Variants in CAMKMT observed in about 807,000 individuals in gnomAD.
CAMKMT encodes CaM KMT.
Under a neutral mutation model 48.0 loss-of-function variants are expected in CAMKMT, and 53 were observed. The observed-to-expected ratio is 1.10, with a 90% confidence interval of 0.89 to 1.39. The LOEUF is 1.39. Among genes scored for constraint, CAMKMT ranks in the 40% most tolerant of loss-of-function variants. The pLI is 0.00. For synonymous variants in CAMKMT, 165 were observed against 152.3 expected, an observed-to-expected ratio of 1.08 and a Z score of -0.61; for missense variants, 428 against 402.7, an observed-to-expected ratio of 1.06 and a Z score of -0.54.
At chr2:44,671,208 T>C (rs1406224304) in intron 3 of CAMKMT, among the ~76,000 whole-genome samples, 1 of 152,134 alleles carries the variant, frequency 6.6e-6, no homozygotes, top group African/African-American at 2.4e-5. Flanking sequence ...GTACCTAGTC[T>C]CCTTCCCCAA....
At chr2:44,435,385 G>C (rs1003651880) in intron 3 of CAMKMT, among the ~76,000 whole-genome samples, 1 of 152,116 alleles carries the variant, frequency 6.6e-6, no homozygotes, top group African/African-American at 2.4e-5. Flanking sequence ...AGATTTAGGA[G>C]AATTGTTGAA....
At chr2:44,761,135 G>A (rs149404507) in intron 9 of CAMKMT, among the ~76,000 whole-genome samples, 2 of 152,296 alleles carry the variant, frequency 1.3e-5, no homozygotes, top group East Asian at 3.9e-4. Flanking sequence ...GGCACAGTAG[G>A]GAGGCCAGAG....
chr2:44,383,042 G>C (rs1680412937), intron 2 of CAMKMT, among the ~76,000 whole-genome samples: 1 of 151,970 alleles, frequency 6.6e-6, no homozygotes, highest in Admixed American at 6.6e-5. Flanking sequence ...CTTCCCTTTG[G>C]CTTGCAGATG....
Position 44,764,131 on chromosome 2 carries a change from C to T in CAMKMT, c.763-2299C>T, listed in dbSNP as rs868022795. Among the ~76,000 whole-genome samples the T allele has an allele frequency of 3.9e-5, 6 of 151,906 alleles. No homozygotes were observed. The South Asian group carries it at 1.0e-3, about 26-fold the overall frequency. The stretch of plus-strand genomic sequence containing the variant: ...TTTTTGCTGCTAAGTTTGAAAACTG[C>T]CTGAAAATAGCAATTAATATTGAAA... On this transcript the variant is annotated intron_variant, in intron 9 of 10. Transcript: ENST00000378494.
At chr2:44,645,736 G>A (rs1004773693) in intron 3 of CAMKMT, among the ~76,000 whole-genome samples, 5 of 152,096 alleles carry the variant, frequency 3.3e-5, no homozygotes, top group Non-Finnish European at 4.4e-5. Context: ...CAGGAGAATC[G>A]CTTAAACCTG....
At chr2:44,686,496 A>T (rs951468826) in intron 3 of CAMKMT, among the ~76,000 whole-genome samples, 1 of 152,222 alleles carries the variant, frequency 6.6e-6, no homozygotes, top group Non-Finnish European at 1.5e-5. Flanking sequence ...CGAGAAGTAT[A>T]AGATGTTAAC....
intron 3 of CAMKMT, among the ~76,000 whole-genome samples, chr2:44,575,378 C>T (rs1362069320): frequency 1.3e-5 from 2 of 152,248 alleles, no homozygotes; most frequent in Admixed American, 6.5e-5. Context: ...CACGCCCAGC[C>T]CTTCTCCATT....
At chr2:44,750,523 T>A (rs74606184) in intron 8 of CAMKMT, among the ~76,000 whole-genome samples, 4,273 of 152,272 alleles carry the variant, frequency 0.028, 173 homozygotes, top group African/African-American at 0.097. Context: ...GTCCTTTTAT[T>A]TATTTATTGC....
chr2:44,532,802 C>T (rs2341456), intron 3 of CAMKMT, among the ~76,000 whole-genome samples: 101,145 of 151,350 alleles, frequency 0.67, 34,612 homozygotes, highest in South Asian at 0.76. Context: ...ATGAAGGTAA[C>T]TGTATGCCAT....
rs530665677 is a variant in CAMKMT at position 44,637,012 on chromosome 2, A to G, written c.377-67271A>G. Among the ~76,000 whole-genome samples the G allele has an allele frequency of 1.3e-4, 20 of 152,320 alleles. No homozygotes were observed. In the South Asian group the frequency reaches 4.1e-3, roughly 32 times the overall value. The stretch of plus-strand genomic sequence containing the variant: ...GATAGAACAGTACTCCAACTTGACA[A>G]GCATTATAGCAGGTAAGAGGGGAAA... On this transcript the variant is annotated intron_variant, in intron 3 of 10. Transcript: ENST00000378494.
chr2:44,718,041 A>G (rs569001835), intron 7 of CAMKMT, among the ~76,000 whole-genome samples: 4 of 152,234 alleles, frequency 2.6e-5, no homozygotes, highest in Admixed American at 1.3e-4. Flanking sequence ...AATGAATTCT[A>G]TTATACCTTA....
At chr2:44,366,556 G>A (rs1444693387) in intron 1 of CAMKMT, among the ~76,000 whole-genome samples, 3 of 152,056 alleles carry the variant, frequency 2.0e-5, no homozygotes, top group African/African-American at 7.2e-5. Flanking sequence ...TAAGTTGTTG[G>A]AATTTGGACA....
chr2:44,480,183 A>T (rs698816), intron 3 of CAMKMT, among the ~76,000 whole-genome samples: 150,198 of 152,268 alleles, frequency 0.99, 74,085 homozygotes, highest in Middle Eastern at 1. Context: ...AAGATTTGAA[A>T]CATACTGTAG....
intron 3 of CAMKMT, among the ~76,000 whole-genome samples, chr2:44,445,880 G>A (rs1267836463): frequency 2.0e-5 from 3 of 151,614 alleles, no homozygotes; most frequent in Non-Finnish European, 4.4e-5. Flanking sequence ...TTGAAGTCTC[G>A]GACAATGACC....
intron 10 of CAMKMT, among the ~76,000 whole-genome samples, chr2:44,767,798 TC>T (rs1451079930): frequency 2.0e-5 from 3 of 152,106 alleles, no homozygotes; most frequent in South Asian, 4.2e-4. Context: ...CTCCCTGGAC[TC>T]CTCCACCCAA....
intron 3 of CAMKMT, among the ~76,000 whole-genome samples, chr2:44,450,932 A>G (rs1350639664): frequency 1.3e-5 from 2 of 152,076 alleles, no homozygotes; most frequent in African/African-American, 2.4e-5. Context: ...TTGTTTTCCA[A>G]CTCTCTGTGC....
At chr2:44,692,085 G>T (rs1327198407) in intron 3 of CAMKMT, among the ~76,000 whole-genome samples, 1 of 152,054 alleles carries the variant, frequency 6.6e-6, no homozygotes, top group African/African-American at 2.4e-5. Context: ...CAAAGCTCCC[G>T]TAACAAGGGC....
At chr2:44,514,183 A>G (rs550030134) in intron 3 of CAMKMT, among the ~76,000 whole-genome samples, 1 of 152,108 alleles carries the variant, frequency 6.6e-6, no homozygotes, top group African/African-American at 2.4e-5. Flanking sequence ...CAGGAAAAGC[A>G]TCATTAGAGG....
At chr2:44,477,645 A>G (rs945456955) in intron 3 of CAMKMT, among the ~76,000 whole-genome samples, 1 of 152,204 alleles carries the variant, frequency 6.6e-6, no homozygotes, top group Non-Finnish European at 1.5e-5. Flanking sequence ...AGCTTTTTCT[A>G]TTCCTCCATT....
Sources: allele counts gnomAD v4.1 joint callset (sites outside exome capture counted in the v4.1 genomes callset), GRCh38; gene constraint gnomAD v4.1.1; transcripts MANE v1.5; gene names NCBI Gene and HGNC (gene_info 2026-07-23, HGNC 2026-07-21).